The following PCDH11X variants were observed in gnomAD, a reference collection of about 807,000 sequenced individuals.
PCDH11X encodes the protein protocadherin 11 X-linked, also known as protocadherin-11 X-linked.
A neutral mutation model predicts 53.3 loss-of-function variants in PCDH11X; 18 were observed. The ratio of observed to expected loss-of-function variants is 0.34; its 90% CI spans 0.23 to 0.50. The LOEUF is 0.50. PCDH11X is among the 20% of genes least tolerant of loss of function. The pLI, the probability that PCDH11X is intolerant of heterozygous loss-of-function variation, is 0.98. For missense variants in PCDH11X, 570 were observed against 1,032.4 expected (o/e 0.55, Z 6.14); for synonymous variants, 279 against 393.3 (o/e 0.71, Z 3.44).
chrX:91,830,609 C>T (rs756330379), intron 4 of PCDH11X, among the ~76,000 whole-genome samples: 2 of 110,785 alleles, frequency 1.8e-5, no homozygotes, highest in East Asian at 2.9e-4. Flanking sequence ...ACCTCAAGAA[C>T]TACCTTATTG....
intron 6 of PCDH11X, among the ~76,000 whole-genome samples, chrX:92,109,590 T>C (rs183346249): frequency 6.5e-4 from 73 of 111,508 alleles, no homozygotes; most frequent in Middle Eastern, 4.6e-3. Flanking sequence ...GCACTGATCT[T>C]AGGTTTTAAA....
intron 7 of PCDH11X, among the ~76,000 whole-genome samples, chrX:92,209,046 A>G (rs902125698): frequency 3.6e-5 from 4 of 111,149 alleles, no homozygotes; most frequent in East Asian, 5.7e-4. Context: ...CCATGATTCA[A>G]TCACCTTCTA....
chrX:92,464,437 A>G (rs1467320077), intron 9 of PCDH11X, among the ~76,000 whole-genome samples: 2 of 110,256 alleles, frequency 1.8e-5, no homozygotes, highest in Non-Finnish European at 3.8e-5. Flanking sequence ...CCTTTGCTTG[A>G]CACTTCTCCT....
At chrX:92,104,159 G>C (rs918262059) in intron 6 of PCDH11X, among the ~76,000 whole-genome samples, 1 of 111,089 alleles carries the variant, frequency 9.0e-6, no homozygotes. Context: ...CTGGGCAGGT[G>C]GGGGAGTGCT....
chrX:91,799,095 TA>T (rs1231118635), intron 1 of PCDH11X, among the ~76,000 whole-genome samples: 2 of 111,291 alleles, frequency 1.8e-5, no homozygotes, highest in East Asian at 5.6e-4. Context: ...GCTTATTTTT[TA>T]CCTACTCCAT....
Position 92,078,583 on chromosome X carries a change from G to A in PCDH11X, c.3034-122792G>A, listed in dbSNP as rs769077408. Among the ~76,000 whole-genome samples, 21 of 110,925 alleles carry A rather than the reference G, an allele frequency of 1.9e-4. No homozygotes were observed. In the East Asian group the frequency reaches 4.6e-3, roughly 24 times the overall value. ...GCAGCAACACTGTTTGTATAGCATGGTACCACTCTCTCGATTAACAGTACT... is the reference window on the plus strand; with the variant it reads ...GCAGCAACACTGTTTGTATAGCATGATACCACTCTCTCGATTAACAGTACT... On this transcript the variant is annotated intron_variant, in intron 6 of 10. Transcript: ENST00000682573.
chrX:92,446,053 T>C (rs1272734872), intron 9 of PCDH11X, among the ~76,000 whole-genome samples: 2 of 109,933 alleles, frequency 1.8e-5, no homozygotes, highest in East Asian at 5.7e-4. Flanking sequence ...TGTCTCAATA[T>C]GTCACCAAAG....
At chrX:92,381,595 G>T (rs1260967942) in intron 8 of PCDH11X, among the ~76,000 whole-genome samples, 2 of 111,470 alleles carry the variant, frequency 1.8e-5, no homozygotes, top group African/African-American at 6.5e-5. Flanking sequence ...TGATCCAAGC[G>T]TTTATGCCAT....
intron 6 of PCDH11X, among the ~76,000 whole-genome samples, chrX:92,040,573 G>T (rs947221997): frequency 8.9e-6 from 1 of 112,000 alleles, no homozygotes; most frequent in African/African-American, 3.2e-5. Flanking sequence ...TGACGTCCAT[G>T]ATACACGACT....
intron 6 of PCDH11X, among the ~76,000 whole-genome samples, chrX:92,117,373 G>T (rs1403725082): frequency 9.2e-6 from 1 of 108,735 alleles, no homozygotes; most frequent in Non-Finnish European, 1.9e-5. Context: ...GGGTGGGGAG[G>T]TTCCAGTGAG....
At chrX:92,459,742 G>T in intron 9 of PCDH11X, 3 of 1,113,457 alleles carry the variant, frequency 2.7e-6, no homozygotes, top group Non-Finnish European at 3.7e-6. Flanking sequence ...CAGCTACGGC[G>T]CCCGGCCGGT....
chrX:92,410,144 A>G (rs2071610840), intron 9 of PCDH11X, among the ~76,000 whole-genome samples: 1 of 111,405 alleles, frequency 9.0e-6, no homozygotes, highest in African/African-American at 3.3e-5. Context: ...TTTATTTTTA[A>G]AGAAATATCT....
intron 8 of PCDH11X, among the ~76,000 whole-genome samples, chrX:92,277,035 G>T (rs143108092): frequency 0.015 from 1,613 of 111,139 alleles, 26 homozygotes; most frequent in African/African-American, 0.05. Flanking sequence ...CAGGTGTGAG[G>T]AGGGGAGGCG....
intron 6 of PCDH11X, chrX:92,114,460 A>G: frequency 1.5e-6 from 1 of 675,044 alleles, no homozygotes; most frequent in Non-Finnish European, 2.4e-6. Context: ...GCTTACAGAC[A>G]TGATCCTGAG....
chrX:92,329,997 C>A (rs764525246), intron 8 of PCDH11X, among the ~76,000 whole-genome samples: 2 of 110,637 alleles, frequency 1.8e-5, no homozygotes, highest in South Asian at 7.7e-4. Flanking sequence ...TTGTTTGTAA[C>A]ACAAAGAAAG....
chrX:92,262,464 C>T (rs954066043), intron 7 of PCDH11X, among the ~76,000 whole-genome samples: 2 of 111,080 alleles, frequency 1.8e-5, no homozygotes, highest in Non-Finnish European at 3.8e-5. Context: ...TAAAAAGTAA[C>T]TTAACCTGTC....
chrX:91,871,203 G>A (rs1316611228), intron 5 of PCDH11X, among the ~76,000 whole-genome samples: 1 of 110,056 alleles, frequency 9.1e-6, no homozygotes, highest in Admixed American at 9.7e-5. Flanking sequence ...AATATTCAAT[G>A]TGTATTAAAG....
At chrX:91,795,721 A>G (rs1935710608) in intron 1 of PCDH11X, among the ~76,000 whole-genome samples, 1 of 111,603 alleles carries the variant, frequency 9.0e-6, no homozygotes, top group Non-Finnish European at 1.9e-5. Flanking sequence ...AAATATCACT[A>G]TAATACTTTA....
In PCDH11X at chrX:92,088,322, C is replaced by A. The variant is rs370774590; in HGVS notation, c.3034-113053C>A. Among the ~76,000 whole-genome samples, 3 of 110,850 alleles carry A rather than the reference C, an allele frequency of 2.7e-5. No homozygotes were observed. In the East Asian group the frequency reaches 8.5e-4, roughly 31 times the overall value. On this transcript the variant is annotated intron_variant, in intron 6 of 10. Transcript: ENST00000682573. ...TGTTAACAAATAAAAATAAACACAC[C>A]ATAACAACAATTATGTCACTGTTTT...
Sources: allele counts gnomAD v4.1 joint callset (sites outside exome capture counted in the v4.1 genomes callset), GRCh38; gene constraint gnomAD v4.1.1; transcripts MANE v1.5; gene names NCBI Gene and HGNC (gene_info 2026-07-23, HGNC 2026-07-21).